The following ZYG11B variants were observed in gnomAD, a reference collection of about 807,000 sequenced individuals.
ZYG11B encodes the protein zyg-11 family member B, cell cycle regulator, also known as protein zyg-11 homolog B.
ZYG11B carries 36 observed loss-of-function variants against 82.4 expected under a neutral mutation model. That is an observed-to-expected ratio of 0.44 (90% CI 0.33 to 0.58). The LOEUF (loss-of-function observed/expected upper bound fraction) is 0.58. Ranked by LOEUF, ZYG11B falls within the 20% of genes least tolerant of loss-of-function variation. The pLI is 0.02. For synonymous variants in ZYG11B, 303 were observed against 312.8 expected (o/e 0.97, Z 0.33); for missense variants, 552 against 895.6 (o/e 0.62, Z 4.90).
intron 2 of ZYG11B, among the ~76,000 whole-genome samples, chr1:52,765,663 G>T (rs974743948): frequency 2.0e-5 from 3 of 151,868 alleles, no homozygotes; most frequent in Non-Finnish European, 4.4e-5. Context: ...CACCATGCCC[G>T]ACTAATTAAA....
intron 1 of ZYG11B, among the ~76,000 whole-genome samples, chr1:52,753,826 C>A (rs894570701): frequency 2.6e-5 from 4 of 152,090 alleles, no homozygotes; most frequent in South Asian, 4.2e-4. Context: ...GAACTCCCGA[C>A]CGCAGGTGAT....
intron 8 of ZYG11B, among the ~76,000 whole-genome samples, chr1:52,801,570 C>T (rs564017811): frequency 2.6e-5 from 4 of 152,168 alleles, no homozygotes; most frequent in Admixed American, 6.5e-5. Context: ...AAGTTTTAAT[C>T]ATTTTGCCTA....
Position 52,802,234 on chromosome 1 carries a change from A to G in ZYG11B, c.1695+95A>G, listed in dbSNP as rs1290943025. On this transcript the variant is annotated intron_variant, in intron 10 of 13. Coordinates refer to ENST00000294353, the MANE Select transcript of ZYG11B (RefSeq NM_024646.3). ...GTTGCAGCTCTGCAGTGGCAGTATC[A>G]TAGCCCCTTATCTAAGGCACGGTCA... 5 of 1,181,912 alleles carry G rather than the reference A, an allele frequency of 4.2e-6. No homozygotes were observed. The African/African-American group carries it at 4.6e-5, about 11-fold the overall frequency. 73.2% of individuals were successfully genotyped at this position (1,181,912 alleles called of 1,614,324 possible). A position where few individuals can be genotyped will look rare whatever the true frequency, so the allele number is the denominator to read the frequency against.
At chr1:52,815,887 A>G (rs1645219892) in intron 12 of ZYG11B, among the ~76,000 whole-genome samples, 1 of 152,150 alleles carries the variant, frequency 6.6e-6, no homozygotes, top group Non-Finnish European at 1.5e-5. Context: ...GTGAGCTGAG[A>G]TCGCGCCACT....
rs1271472952 is a variant in ZYG11B, at chr1:52,797,053, AT to A, written c.1485+271del. ...AATTTATATATATAAATTTTTATAT[AT>A]TATATATATTTATATATTATATATT... On this transcript the variant is annotated intron_variant, in intron 8 of 13. Coordinates refer to ENST00000294353, the MANE Select transcript of ZYG11B (RefSeq NM_024646.3). 4.6e-5 allele frequency among the ~76,000 whole-genome samples: 4 copies of A among 87,570 alleles called. No individual in the cohort carries two copies. In the East Asian group the frequency reaches 1.2e-3, roughly 27 times the overall value. The allele number at this position is 87,570 out of a possible 152,430, so 57.4% of individuals were successfully genotyped here.
chr1:52,731,374 T>G (rs1473794352), intron 1 of ZYG11B, among the ~76,000 whole-genome samples: 1 of 151,834 alleles, frequency 6.6e-6, no homozygotes, highest in Non-Finnish European at 1.5e-5. Context: ...CTCTAACATA[T>G]CCTGGAGTTC....
At chr1:52,767,098 T>G (rs1050253226) in intron 2 of ZYG11B, among the ~76,000 whole-genome samples, 1 of 150,194 alleles carries the variant, frequency 6.7e-6, no homozygotes, top group Non-Finnish European at 1.5e-5. Flanking sequence ...TATATTATTT[T>G]GTTATGTTTT....
intron 2 of ZYG11B, among the ~76,000 whole-genome samples, chr1:52,757,959 T>C (rs1454382686): frequency 6.6e-6 from 1 of 151,846 alleles, no homozygotes; most frequent in African/African-American, 2.4e-5. Flanking sequence ...CCTAGCACTT[T>C]GGGAGGTCAA....
At chr1:52,726,756 G>A (rs370967367) in intron 1 of ZYG11B, 73 bp downstream of exon 1, 1 of 1,372,694 alleles carries the variant, frequency 7.3e-7, no homozygotes, top group South Asian at 1.6e-5. Context: ...TGGCCCCTGC[G>A]GTCTTGCCCC....
chr1:52,735,558 A>C (rs1002744136), intron 1 of ZYG11B, among the ~76,000 whole-genome samples: 9 of 151,578 alleles, frequency 5.9e-5, no homozygotes, highest in Admixed American at 4.6e-4. Flanking sequence ...TTATTTTGAG[A>C]CAGAGTCTCT....
intron 2 of ZYG11B, among the ~76,000 whole-genome samples, chr1:52,762,212 CTT>C (rs1438109698): frequency 9.9e-5 from 13 of 131,436 alleles, no homozygotes; most frequent in Non-Finnish European, 1.1e-4. Context: ...GTTGCCTGTG[CTT>C]TTTTTTTTTT....
intron 13 of ZYG11B, among the ~76,000 whole-genome samples, chr1:52,820,790 A>C (rs1173482210): frequency 6.6e-6 from 1 of 151,692 alleles, no homozygotes; most frequent in Non-Finnish European, 1.5e-5. Flanking sequence ...TATGAGTGCC[A>C]TTAAGTTTTT....
chr1:52,812,931 T>C (rs1189644045), intron 10 of ZYG11B, among the ~76,000 whole-genome samples: 1 of 152,172 alleles, frequency 6.6e-6, no homozygotes, highest in Non-Finnish European at 1.5e-5. Flanking sequence ...TTCTCCATGT[T>C]GGCCAGGCTT....
At chr1:52,753,037 G>A (rs1037424531) in intron 1 of ZYG11B, among the ~76,000 whole-genome samples, 1 of 151,994 alleles carries the variant, frequency 6.6e-6, no homozygotes, top group Non-Finnish European at 1.5e-5. Context: ...TAGGAGAGAC[G>A]GGGTTTCACC....
intron 1 of ZYG11B, among the ~76,000 whole-genome samples, chr1:52,735,844 C>T (rs1644374372): frequency 6.6e-6 from 1 of 152,138 alleles, no homozygotes; most frequent in Admixed American, 6.6e-5. Context: ...ACAATAGACC[C>T]TGTGAAGATA....
chr1:52,751,332 TAAAA>T (rs201206768), intron 1 of ZYG11B, among the ~76,000 whole-genome samples: 1 of 141,330 alleles, frequency 7.1e-6, no homozygotes, highest in African/African-American at 2.6e-5. Flanking sequence ...ATGATATAGT[TAAAA>T]AAAAAAAAAA....
At chr1:52,786,487 G>A (rs887349179) in intron 5 of ZYG11B, among the ~76,000 whole-genome samples, 5 of 151,974 alleles carry the variant, frequency 3.3e-5, no homozygotes, top group East Asian at 1.9e-4. Flanking sequence ...GGTGGCTCAC[G>A]CCTGTAATCC....
At chr1:52,730,332 A>T (rs1240899259) in intron 1 of ZYG11B, among the ~76,000 whole-genome samples, 1 of 151,910 alleles carries the variant, frequency 6.6e-6, no homozygotes, top group Non-Finnish European at 1.5e-5. Flanking sequence ...TTATGTATTT[A>T]TTTATTTATT....
chr1:52,783,886 G>GTCTA (rs1644884360), intron 4 of ZYG11B, among the ~76,000 whole-genome samples: 1 of 136,586 alleles, frequency 7.3e-6, no homozygotes, highest in African/African-American at 2.8e-5. Context: ...GTGTGTATAT[G>GTCTA]TACATACACG....
Sources: gnomAD v4.1 joint callset for allele counts (sites outside exome capture counted in the v4.1 genomes callset) on GRCh38, gnomAD v4.1.1 for gene constraint, MANE v1.5 for transcripts, NCBI Gene and HGNC (gene_info 2026-07-23, HGNC 2026-07-21) for gene names.